Variants in NTRK2 observed in about 807,000 individuals in gnomAD.
NTRK2 encodes the protein neurotrophic receptor tyrosine kinase 2.
In NTRK2, 13 loss-of-function variants were observed where a neutral mutation model predicts 94.5. That is an observed-to-expected ratio of 0.14 (90% CI 0.09 to 0.22). The LOEUF (loss-of-function observed/expected upper bound fraction) is 0.22, where lower values mean the gene tolerates loss of function less well. NTRK2 is among the 10% of genes least tolerant of loss of function. NTRK2 has a pLI of 1.00. For missense variants in NTRK2, 639 were observed against 1,071.2 expected, an observed-to-expected ratio of 0.60 and a Z score of 5.63; for synonymous variants, 372 against 407.4, an observed-to-expected ratio of 0.91 and a Z score of 1.05.
chr9:85,015,390 T>G (rs1335069816), intron 17 of NTRK2, among the ~76,000 whole-genome samples: 1 of 152,192 alleles, frequency 6.6e-6, no homozygotes, highest in East Asian at 1.9e-4. Flanking sequence ...ATCAAACAGA[T>G]GAGACTGTTT....
intron 14 of NTRK2, among the ~76,000 whole-genome samples, chr9:84,898,242 C>A (rs781005711): frequency 3.9e-5 from 6 of 152,140 alleles, no homozygotes; most frequent in Admixed American, 6.5e-5. Flanking sequence ...TCAGGACAGT[C>A]CTTCCATGGT....
chr9:84,822,808 C>T (rs772988791), intron 12 of NTRK2, among the ~76,000 whole-genome samples: 8 of 152,142 alleles, frequency 5.3e-5, no homozygotes, highest in Non-Finnish European at 1.0e-4. Flanking sequence ...GCAAATGAGG[C>T]GATAAATTCC....
At chr9:84,833,870 G>A (rs762050957) in intron 12 of NTRK2, among the ~76,000 whole-genome samples, 7 of 152,192 alleles carry the variant, frequency 4.6e-5, no homozygotes, top group African/African-American at 9.6e-5. Context: ...ATTTCTGGGG[G>A]CAGGACCATC....
chr9:84,813,704 G>A (rs45596934), intron 12 of NTRK2: 40,059 of 1,065,884 alleles, frequency 0.038, 886 homozygotes, highest in Admixed American at 0.089. Context: ...TCCTACTCCC[G>A]TGTGGCCAGA....
At chr9:84,679,264 C>T (rs1373174807) in intron 2 of NTRK2, among the ~76,000 whole-genome samples, 1 of 152,200 alleles carries the variant, frequency 6.6e-6, no homozygotes, top group Non-Finnish European at 1.5e-5. Flanking sequence ...TCTTCAGCCT[C>T]TTTCTGTTTC....
At chr9:84,923,604 T>C (rs2077639733) in intron 14 of NTRK2, among the ~76,000 whole-genome samples, 1 of 152,186 alleles carries the variant, frequency 6.6e-6, no homozygotes, top group African/African-American at 2.4e-5. Context: ...GCCAACTTAC[T>C]TAAAGAAGTC....
intron 17 of NTRK2, among the ~76,000 whole-genome samples, chr9:84,996,336 C>T (rs1010615349): frequency 1.3e-5 from 2 of 152,204 alleles, no homozygotes; most frequent in African/African-American, 2.4e-5. Context: ...GCCAAGTTTA[C>T]AAAAGGAAAC....
intron 17 of NTRK2, among the ~76,000 whole-genome samples, chr9:85,001,035 G>C (rs1830278038): frequency 6.6e-6 from 1 of 152,290 alleles, no homozygotes; most frequent in Non-Finnish European, 1.5e-5. Context: ...TCGCATCTCA[G>C]GTAGATTCCA....
chr9:84,864,495 T>C (rs2075483884), intron 13 of NTRK2, among the ~76,000 whole-genome samples: 1 of 152,072 alleles, frequency 6.6e-6, no homozygotes, highest in Non-Finnish European at 1.5e-5. Flanking sequence ...CAAACAACTA[T>C]TGAAATAAAA....
In NTRK2 at chr9:85,004,035, G is replaced by GAA. The variant is rs1564542151; in HGVS notation, c.2173-16170_2173-16169insAA. On this transcript the variant is annotated intron_variant, in intron 17 of 18. Coordinates refer to ENST00000277120, the MANE Select transcript of NTRK2 (RefSeq NM_006180.6). ...AAAGAAAGAGAGAAAGAAAGAAAGA[G>GAA]AGAAAGAAAGGGAGAAAGAGAAAGA... is the stretch of plus-strand genomic sequence containing the variant. 1.7e-4 allele frequency among the ~76,000 whole-genome samples: 12 copies of GAA among 69,456 alleles called. 1 individual carries two copies. Among genetic ancestry groups the GAA allele is most frequent in the African/African-American group, 3.5e-4 (5 of 14,096 alleles). 45.6% of individuals were successfully genotyped at this position (69,456 alleles called of 152,430 possible).
At chr9:84,682,602 A>T (rs879841984) in intron 2 of NTRK2, among the ~76,000 whole-genome samples, 6 of 152,094 alleles carry the variant, frequency 3.9e-5, no homozygotes, top group Admixed American at 3.9e-4. Context: ...CGACCTCGAG[A>T]GCCCAGGCAA....
At chr9:84,739,625 G>A (rs1195014422) in intron 9 of NTRK2, among the ~76,000 whole-genome samples, 1 of 152,178 alleles carries the variant, frequency 6.6e-6, no homozygotes, top group Non-Finnish European at 1.5e-5. Context: ...TGGAGCTGTA[G>A]GTGTAAAAGC....
intron 12 of NTRK2, chr9:84,811,318 AAAG>A (rs780822326): frequency 3.5e-5 from 37 of 1,066,228 alleles, no homozygotes; most frequent in Middle Eastern, 8.2e-4. Context: ...AAACGTTTAA[AAAG>A]AAGAAGAAGA....
chr9:84,790,192 G>A (rs1182050718), intron 12 of NTRK2, among the ~76,000 whole-genome samples: 2 of 152,084 alleles, frequency 1.3e-5, no homozygotes, highest in Non-Finnish European at 2.9e-5. Context: ...CAAACGTTTA[G>A]TTTAAAAAAA....
intron 12 of NTRK2, among the ~76,000 whole-genome samples, chr9:84,794,211 A>C (rs936134715): frequency 1.3e-5 from 2 of 152,160 alleles, no homozygotes; most frequent in African/African-American, 4.8e-5. Flanking sequence ...TCAGAGAGAG[A>C]GATTTAATCT....
chr9:84,872,019 C>G, intron 14 of NTRK2: 2 of 1,474,736 alleles, frequency 1.4e-6, no homozygotes, highest in Non-Finnish European at 1.8e-6. Flanking sequence ...ATGACTAACC[C>G]CTCAAAGTAC....
chr9:84,671,920 A>AT lies in NTRK2; in HGVS notation c.212+967dup, dbSNP rs1214248661. Among the ~76,000 whole-genome samples, 5 of 152,106 alleles carry AT rather than the reference A, an allele frequency of 3.3e-5. No homozygotes were observed. In the South Asian group the frequency reaches 8.3e-4, roughly 25 times the overall value. Reference sequence around the variant, plus strand: ...CCTCTACTGGACTGTTATTGTTATCATTTTTTTCCTGAAGGATGCTGTCAT... The same window carrying AT: ...CCTCTACTGGACTGTTATTGTTATCATTTTTTTTCCTGAAGGATGCTGTCAT... On this transcript the variant is annotated intron_variant, in intron 2 of 18. Transcript: ENST00000277120.
Position 84,974,654 on chromosome 9 carries a change from A to G in NTRK2, c.2172+19137A>G, listed in dbSNP as rs112808945. 4.8e-3 allele frequency among the ~76,000 whole-genome samples: 737 copies of G among 152,312 alleles called. 6 individuals are homozygous for G. The highest frequency in any genetic ancestry group is 7.5e-3 in the Non-Finnish European group (512 of 68,024). ...CAGCATGGAGAATGGGCTGTTCTCC[A>G]GTTTGAAATAGTGATTTTCCCAAGT... On this transcript the variant is annotated intron_variant, in intron 17 of 18. Coordinates refer to ENST00000277120, the MANE Select transcript of NTRK2 (RefSeq NM_006180.6).
chr9:84,915,463 C>T (rs1043967947), intron 14 of NTRK2, among the ~76,000 whole-genome samples: 2 of 152,172 alleles, frequency 1.3e-5, no homozygotes, highest in African/African-American at 2.4e-5. Context: ...TCCACTCTCT[C>T]TCTTGCTGCC....
Sources: allele counts gnomAD v4.1 joint callset (sites outside exome capture counted in the v4.1 genomes callset), GRCh38; gene constraint gnomAD v4.1.1; transcripts MANE v1.5; gene names NCBI Gene and HGNC (gene_info 2026-07-23, HGNC 2026-07-21).